PRIM2: variants seen among roughly 807,000 people sequenced by gnomAD.
The protein encoded by PRIM2 is DNA primase subunit 2, also known as DNA primase large subunit.
PRIM2 carries 39 observed loss-of-function variants against 67.3 expected under a neutral mutation model. The ratio of observed to expected loss-of-function variants is 0.58; its 90% confidence interval spans 0.45 to 0.76. The LOEUF is 0.76. Among genes scored for constraint, PRIM2 ranks in the 30% least tolerant of loss-of-function variants. PRIM2 has a pLI of 0.00. For synonymous variants in PRIM2, 143 were observed against 198.7 expected (o/e 0.72, Z 2.36); for missense variants, 398 against 598.7 (o/e 0.66, Z 3.50).
intron 10 of PRIM2, among the ~76,000 whole-genome samples, chr6:57,576,613 T>A (rs1775968092): frequency 2.0e-5 from 3 of 150,892 alleles, no homozygotes; most frequent in Non-Finnish European, 4.5e-5. Context: ...CAAAATGAAG[T>A]AACCTATCAT....
At chr6:57,241,688 A>ATTTT in the PRIM2 span, among the ~76,000 whole-genome samples, 51,651 of 118,922 alleles carry the variant, frequency 0.43, 13,549 homozygotes, top group South Asian at 0.59. Context: ...AGAACTATGT[A>ATTTT]TTTTTTTTTT....
intron 7 of PRIM2, among the ~76,000 whole-genome samples, chr6:57,433,435 T>C (rs1297375732): frequency 7.4e-6 from 1 of 134,274 alleles, no homozygotes; most frequent in Non-Finnish European, 1.5e-5. Context: ...TTCCCCTTCC[T>C]GTGTTCTATT....
At chr6:57,398,063 G>A (rs183889606) in intron 7 of PRIM2, among the ~76,000 whole-genome samples, 1 of 151,392 alleles carries the variant, frequency 6.6e-6, no homozygotes, top group African/African-American at 2.4e-5. Context: ...GGGTTCAAGC[G>A]ATTCTCCTAC....
chr6:57,606,840 T>G (rs2127493075), intron 12 of PRIM2, among the ~76,000 whole-genome samples: 1 of 152,360 alleles, frequency 6.6e-6, no homozygotes, highest in Non-Finnish European at 1.5e-5. Context: ...AATTGTTTTC[T>G]GAGCAGATGA....
chr6:57,495,257 T>C (rs1554346266), intron 7 of PRIM2, among the ~76,000 whole-genome samples: 1 of 152,210 alleles, frequency 6.6e-6, no homozygotes, highest in African/African-American at 2.4e-5. Flanking sequence ...CTAAACCGAA[T>C]GAGTCCAAAA....
At chr6:57,511,342 C>T (rs1774363169) in intron 8 of PRIM2, among the ~76,000 whole-genome samples, 1 of 152,172 alleles carries the variant, frequency 6.6e-6, no homozygotes, top group Admixed American at 6.5e-5. Flanking sequence ...ATTGTCCATT[C>T]ACTCATTAAT....
chr6:57,296,033 G>A, the PRIM2 span, among the ~76,000 whole-genome samples: 1 of 152,058 alleles, frequency 6.6e-6, no homozygotes, highest in Non-Finnish European at 1.5e-5. Flanking sequence ...AAAACCAACA[G>A]GATGGGTGGG....
intron 10 of PRIM2, among the ~76,000 whole-genome samples, chr6:57,586,180 C>A (rs1392159254): frequency 1.3e-5 from 2 of 152,172 alleles, no homozygotes; most frequent in Non-Finnish European, 2.9e-5. Flanking sequence ...GTAGCGAGAT[C>A]CATTCCAGTT....
At chr6:57,422,297 G>A (rs1771492287) in intron 7 of PRIM2, among the ~76,000 whole-genome samples, 1 of 151,248 alleles carries the variant, frequency 6.6e-6, no homozygotes, top group Non-Finnish European at 1.5e-5. Flanking sequence ...GGGATTACAG[G>A]CACCCACTTT....
At chr6:57,344,414 G>T (rs1768601885) in intron 5 of PRIM2, among the ~76,000 whole-genome samples, 1 of 151,450 alleles carries the variant, frequency 6.6e-6, no homozygotes, top group Admixed American at 6.6e-5. Context: ...CTAGATTTGA[G>T]GGATTATGCT....
chr6:57,493,636 A>G (rs2127411100), intron 7 of PRIM2, among the ~76,000 whole-genome samples: 1 of 152,338 alleles, frequency 6.6e-6, no homozygotes, highest in South Asian at 2.1e-4. Context: ...AAAACATTTT[A>G]CTAAAGAAAA....
intron 8 of PRIM2, among the ~76,000 whole-genome samples, chr6:57,532,173 T>C (rs1774905615): frequency 1.3e-5 from 2 of 152,344 alleles, no homozygotes; most frequent in African/African-American, 2.4e-5. Flanking sequence ...ATGGAAGTGG[T>C]GCTCTAGACT....
intron 8 of PRIM2, among the ~76,000 whole-genome samples, chr6:57,528,577 C>A (rs1386119140): frequency 6.6e-6 from 1 of 152,154 alleles, no homozygotes; most frequent in Non-Finnish European, 1.5e-5. Context: ...GCTTCATTTA[C>A]TCAATAACTA....
At chr6:57,476,107 A>G (rs1361987743) in intron 7 of PRIM2, among the ~76,000 whole-genome samples, 2 of 152,098 alleles carry the variant, frequency 1.3e-5, no homozygotes, top group Non-Finnish European at 2.9e-5. Context: ...TCTATATTCT[A>G]CAGGTTTATT....
chr6:57,223,138 A>G, the PRIM2 span, among the ~76,000 whole-genome samples: 415 of 152,364 alleles, frequency 2.7e-3, 6 homozygotes, highest in South Asian at 0.027. Context: ...ATCTGCAATT[A>G]CAGGCAATAA....
At chr6:57,330,383 G>GTT (rs60270076) in intron 5 of PRIM2, among the ~76,000 whole-genome samples, 13 of 99,554 alleles carry the variant, frequency 1.3e-4, no homozygotes, top group Admixed American at 3.3e-4. Flanking sequence ...TTGTTTTTTT[G>GTT]TTTTTTTTTT....
chr6:57,450,703 G>T (rs1443362121), intron 7 of PRIM2, among the ~76,000 whole-genome samples: 1 of 152,074 alleles, frequency 6.6e-6, no homozygotes, highest in Non-Finnish European at 1.5e-5. Context: ...ATGAATGCAT[G>T]CAGTAAGTGA....
intron 5 of PRIM2, among the ~76,000 whole-genome samples, chr6:57,341,848 C>T (rs551304366): frequency 2.6e-5 from 4 of 152,252 alleles, no homozygotes; most frequent in South Asian, 2.1e-4. Context: ...TGGGCAGCCA[C>T]GGGGCCATCT....
intron 13 of PRIM2, among the ~76,000 whole-genome samples, chr6:57,638,576 CAAAA>C (rs1227220865): frequency 1.7e-3 from 54 of 32,024 alleles, no homozygotes; most frequent in Non-Finnish European, 2.6e-3. Flanking sequence ...AAACAGAAAG[CAAAA>C]AAAAAAAAAA....
Sources: allele counts gnomAD v4.1 joint callset (sites outside exome capture counted in the v4.1 genomes callset), GRCh38; gene constraint gnomAD v4.1.1; transcripts MANE v1.5; gene names NCBI Gene and HGNC (gene_info 2026-07-23, HGNC 2026-07-21).